The following CPPED1 variants were observed in gnomAD, a reference collection of about 807,000 sequenced individuals.
The protein encoded by CPPED1 is calcineurin like phosphoesterase domain containing 1, also known as serine/threonine-protein phosphatase CPPED1.
Under a neutral mutation model 28.0 loss-of-function variants are expected in CPPED1, and 28 were observed. That is an observed-to-expected ratio of 1.00 (90% CI 0.74 to 1.37). The LOEUF (loss-of-function observed/expected upper bound fraction) is 1.37, where lower values mean the gene tolerates loss of function less well. CPPED1 is among the 40% of genes most tolerant of loss of function. The pLI is 0.00. For missense variants in CPPED1, 504 were observed against 416.5 expected, an observed-to-expected ratio of 1.21 and a Z score of -1.83; for synonymous variants, 198 against 180.2, an observed-to-expected ratio of 1.10 and a Z score of -0.79.
intron 2 of CPPED1, chr16:12,757,558 G>A (rs2080378814): frequency 6.7e-6 from 1 of 148,592 alleles, no homozygotes; most frequent in Admixed American, 6.9e-5. Flanking sequence ...TTCACACCGG[G>A]GAAACTGCAA....
At chr16:12,791,230 A>G (rs1293402295) in intron 1 of CPPED1, among the ~76,000 whole-genome samples, 1 of 151,496 alleles carries the variant, frequency 6.6e-6, no homozygotes, top group Non-Finnish European at 1.5e-5. Context: ...CCGACCTCCC[A>G]ACAGGCCCTG....
intron 2 of CPPED1, chr16:12,745,774 T>G (rs2080283099): frequency 6.6e-6 from 1 of 152,256 alleles, no homozygotes; most frequent in Non-Finnish European, 1.5e-5. Flanking sequence ...AACCTGTTAC[T>G]GTGGAAGTTA....
chr16:12,751,019 A>T (rs2080324906), intron 2 of CPPED1, among the ~76,000 whole-genome samples: 1 of 152,088 alleles, frequency 6.6e-6, no homozygotes, highest in African/African-American at 2.4e-5. Flanking sequence ...AACAGAAAAA[A>T]TGATGCTGGA....
intron 2 of CPPED1, among the ~76,000 whole-genome samples, chr16:12,744,291 AGAGAGAAAGCAAGC>A (rs1259394850): frequency 4.8e-4 from 67 of 138,814 alleles, no homozygotes; most frequent in South Asian, 2.7e-3. Flanking sequence ...AGAGAGAGAG[AGAGAGAAAGCAAGC>A]AAGCAAGCAA....
At chr16:12,684,214 T>C (rs1480262925) in intron 3 of CPPED1, among the ~76,000 whole-genome samples, 1 of 152,172 alleles carries the variant, frequency 6.6e-6, no homozygotes, top group Non-Finnish European at 1.5e-5. Context: ...CAGAGCCATC[T>C]TTCTCAAATG....
At chr16:12,787,963 A>C (rs759988539) in intron 1 of CPPED1, among the ~76,000 whole-genome samples, 25 of 152,290 alleles carry the variant, frequency 1.6e-4, no homozygotes, top group Non-Finnish European at 3.4e-4. Context: ...TTCCAAGCTC[A>C]CTTACATAGT....
chr16:12,743,060 C>A (rs1296095532), intron 2 of CPPED1, among the ~76,000 whole-genome samples: 1 of 152,160 alleles, frequency 6.6e-6, no homozygotes, highest in Non-Finnish European at 1.5e-5. Context: ...AGCCTCTGTC[C>A]AACATATACC....
At chr16:12,793,940 T>C (rs1460242513) in intron 1 of CPPED1, among the ~76,000 whole-genome samples, 3 of 152,230 alleles carry the variant, frequency 2.0e-5, no homozygotes, top group African/African-American at 7.2e-5. Flanking sequence ...AATGCAATTT[T>C]TGCAGTTTCT....
chr16:12,742,945 T>G (rs2080264409), intron 2 of CPPED1, among the ~76,000 whole-genome samples: 1 of 152,186 alleles, frequency 6.6e-6, no homozygotes, highest in Non-Finnish European at 1.5e-5. Context: ...ACACAGGATG[T>G]GCTAACTCCT....
chr16:12,755,363 C>T (rs2080359315), intron 2 of CPPED1, among the ~76,000 whole-genome samples: 1 of 150,742 alleles, frequency 6.6e-6, no homozygotes, highest in Non-Finnish European at 1.5e-5. Flanking sequence ...CTCACTGCAG[C>T]CTTGACCTCC....
intron 2 of CPPED1, among the ~76,000 whole-genome samples, chr16:12,710,402 G>A (rs1235616541): frequency 1.3e-5 from 2 of 149,504 alleles, no homozygotes; most frequent in African/African-American, 4.9e-5. Flanking sequence ...TAGGTTACAG[G>A]TAGAAATCAA....
chr16:12,673,991 G>A (rs1161129051), intron 3 of CPPED1, among the ~76,000 whole-genome samples: 1 of 152,140 alleles, frequency 6.6e-6, no homozygotes, highest in Non-Finnish European at 1.5e-5. Context: ...GGAGGTTGCA[G>A]TGGGCTATGG....
chr16:12,733,801 C>T (rs2080211800), intron 2 of CPPED1, among the ~76,000 whole-genome samples: 1 of 152,150 alleles, frequency 6.6e-6, no homozygotes. Context: ...AAGTGAGCAA[C>T]AGGCCAATGA....
Position 12,724,600 on chromosome 16 carries a change from T to C in CPPED1, c.290-19551A>G, listed in dbSNP as rs577466038. ...ATCATCCCTTCCCTGGTGCTGTAGATGGACTTGTGGTATCTTATGCAAGAG... is the reference window on the plus strand; with the variant it reads ...ATCATCCCTTCCCTGGTGCTGTAGACGGACTTGTGGTATCTTATGCAAGAG... On this transcript the variant is annotated intron_variant, in intron 2 of 3. Transcript: ENST00000381774. Among the ~76,000 whole-genome samples the C allele has an allele frequency of 5.3e-5, 8 of 152,346 alleles. No homozygotes were observed. In the East Asian group the frequency reaches 1.4e-3, roughly 26 times the overall value.
At chr16:12,667,729 T>C (rs1010584505) in intron 3 of CPPED1, among the ~76,000 whole-genome samples, 2 of 152,128 alleles carry the variant, frequency 1.3e-5, no homozygotes, top group Non-Finnish European at 2.9e-5. Context: ...TGCTCTTGAT[T>C]TGAGTTCTCT....
At chr16:12,755,266 C>T (rs1441662982) in intron 2 of CPPED1, among the ~76,000 whole-genome samples, 2 of 148,860 alleles carry the variant, frequency 1.3e-5, no homozygotes, top group Non-Finnish European at 3.0e-5. Flanking sequence ...TTCTCACAAG[C>T]ATACAGTATG....
chr16:12,775,665 T>G (rs1245207495), intron 2 of CPPED1, among the ~76,000 whole-genome samples: 1 of 152,166 alleles, frequency 6.6e-6, no homozygotes, highest in African/African-American at 2.4e-5. Flanking sequence ...ATTCTACATC[T>G]CTAACAGCTC....
intron 3 of CPPED1, among the ~76,000 whole-genome samples, chr16:12,669,192 C>A (rs1040492957): frequency 3.9e-5 from 6 of 151,950 alleles, no homozygotes; most frequent in African/African-American, 1.5e-4. Context: ...GTAGATGCAC[C>A]TTAAAAATAT....
chr16:12,667,318 G>C (rs774920483), intron 3 of CPPED1, among the ~76,000 whole-genome samples: 6 of 151,682 alleles, frequency 4.0e-5, no homozygotes, highest in Admixed American at 3.3e-4. Flanking sequence ...GATATCAAAG[G>C]GTCCTTAATA....
Sources: allele counts gnomAD v4.1 joint callset (sites outside exome capture counted in the v4.1 genomes callset), GRCh38; gene constraint gnomAD v4.1.1; transcripts MANE v1.5; gene names NCBI Gene and HGNC (gene_info 2026-07-23, HGNC 2026-07-21).